Variants in ITGA11 observed in about 807,000 individuals in gnomAD.
ITGA11 encodes the protein integrin subunit alpha 11, also known as integrin alpha-11.
Under a neutral mutation model 141.9 loss-of-function variants are expected in ITGA11, and 97 were observed. The ratio of observed to expected loss-of-function variants is 0.68; its 90% confidence interval spans 0.58 to 0.81. ITGA11 has a LOEUF of 0.81. Ranked by LOEUF, ITGA11 falls within the 30% of genes least tolerant of loss-of-function variation. The probability of loss-of-function intolerance (pLI) is 0.00; values close to 1 mark genes in which losing one functional copy is unlikely to be tolerated. For synonymous variants in ITGA11, 658 were observed against 624.6 expected (o/e 1.05, Z -0.80); for missense variants, 1,387 against 1,559.2 (o/e 0.89, Z 1.86).
At chr15:68,392,113 T>C (rs1896135111) in intron 2 of ITGA11, among the ~76,000 whole-genome samples, 3 of 152,198 alleles carry the variant, frequency 2.0e-5, no homozygotes, top group East Asian at 1.9e-4. Context: ...ACTATTCAAT[T>C]TGATAAGTGC....
At chr15:68,402,189 CCCT>C in intron 2 of ITGA11, among the ~76,000 whole-genome samples, 1 of 145,150 alleles carries the variant, frequency 6.9e-6, no homozygotes, top group South Asian at 2.2e-4. Flanking sequence ...AGAGTCCTGG[CCCT>C]TTCCATCCCA....
chr15:68,423,849 C>T (rs1161529743), intron 1 of ITGA11, among the ~76,000 whole-genome samples: 3 of 152,194 alleles, frequency 2.0e-5, no homozygotes, highest in Middle Eastern at 3.4e-3. Flanking sequence ...CTGGGCTTGG[C>T]GTTGTCGGTG....
At chr15:68,359,001 T>C (rs1895159357) in intron 5 of ITGA11, among the ~76,000 whole-genome samples, 1 of 152,204 alleles carries the variant, frequency 6.6e-6, no homozygotes, top group Non-Finnish European at 1.5e-5. Flanking sequence ...TATGATGTCG[T>C]GGCTAGAAAT....
At chr15:68,355,455 CTTTTTTTT>C (rs937216797) in intron 7 of ITGA11, among the ~76,000 whole-genome samples, 2 of 146,560 alleles carry the variant, frequency 1.4e-5, no homozygotes, top group Non-Finnish European at 1.5e-5. Flanking sequence ...TTCTTTTTTT[CTTTTTTTT>C]TTGAGACAGG....
intron 26 of ITGA11, among the ~76,000 whole-genome samples, chr15:68,310,477 G>A (rs1009773979): frequency 2.0e-5 from 3 of 152,212 alleles, no homozygotes; most frequent in African/African-American, 4.8e-5. Flanking sequence ...TGGAGGCAGA[G>A]GCAACCCTGA....
At chr15:68,358,371 C>A in intron 6 of ITGA11, 87 bp downstream of exon 6, 1 of 1,425,644 alleles carries the variant, frequency 7.0e-7, no homozygotes, top group East Asian at 2.5e-5. Flanking sequence ...TTCGTGCATG[C>A]AAAGATCTCT....
At position 68,321,637 on chromosome 15, in the gene ITGA11, C is replaced by T. The variant is rs1893817600; in HGVS notation, c.2323-134G>A. 1 of 495,894 alleles carries T rather than the reference C, an allele frequency of 2.0e-6. No individual in the cohort carries two copies. Among genetic ancestry groups the T allele is most frequent in the African/African-American group, 2.0e-5 (1 of 49,158 alleles). 30.7% of individuals were successfully genotyped at this position (495,894 alleles called of 1,614,324 possible). A position where few individuals can be genotyped will look rare whatever the true frequency, so the allele number is the denominator to read the frequency against. ...TGCACTGTCCCCAGACACCACACTG[C>T]TCTGTCTTGTGCTTTTCCATAGATG... On this transcript the variant is annotated intron_variant, in intron 18 of 29. Coordinates refer to ENST00000315757, the MANE Select transcript of ITGA11 (RefSeq NM_001004439.2). The surrounding 1 kb of genome is among the most constrained non-coding windows in gnomAD (Gnocchi z 4.9).
chr15:68,315,297 A>G (rs1893534765), intron 22 of ITGA11, among the ~76,000 whole-genome samples: 1 of 152,168 alleles, frequency 6.6e-6, no homozygotes, highest in South Asian at 2.1e-4. Flanking sequence ...CCCTGCTTTG[A>G]TGATCTTAAG....
chr15:68,303,136 A>T lies in ITGA11; in HGVS notation c.3496-6T>A. 1 of 1,551,074 alleles carries T rather than the reference A, an allele frequency of 6.4e-7. No homozygotes were observed. Among genetic ancestry groups the T allele is most frequent in the Non-Finnish European group, 8.7e-7 (1 of 1,146,934 alleles). On this transcript the variant is annotated splice_polypyrimidine_tract_variant and splice_region_variant and intron_variant, in intron 29 of 29. Transcript: ENST00000315757. This position sits in a 1 kb window ranked among gnomAD's most constrained non-coding sequence, Gnocchi z 5.3. ...GCACTTCTAAAGAAGCCGAGCTGTG[A>T]GGAGGCAAAGGGAGACGTCTCAGAG...
At chr15:68,330,253 T>C (rs1240855087) in intron 15 of ITGA11, among the ~76,000 whole-genome samples, 1 of 152,230 alleles carries the variant, frequency 6.6e-6, no homozygotes, top group Non-Finnish European at 1.5e-5. Flanking sequence ...TGTGAAGTTA[T>C]ATATTTCTGT....
At position 68,311,292 on chromosome 15, in the gene ITGA11, C is replaced by T. The variant is rs574480376; in HGVS notation, c.3085G>A (p.Glu1029Lys). 19 of 1,560,768 alleles carry T rather than the reference C, an allele frequency of 1.2e-5. No individual in the cohort carries two copies. Among genetic ancestry groups the T allele is most frequent in the South Asian group, 1.2e-4 (10 of 84,844 alleles). ...LLKLRDFLTD[E>K]ANTSCNIWGN... ...CCGGCTCCCAAGGCCATCACCACCT[C>T]GTCCGTGAGGAAGTCCCTCAGCTTC... Residue 1029 changes from glutamate (E) to lysine (K), a missense_variant and splice_region_variant, in exon 25 of 30, where the codon GAG becomes AAG. Coordinates refer to ENST00000315757, the MANE Select transcript of ITGA11 (RefSeq NM_001004439.2).
intron 2 of ITGA11, among the ~76,000 whole-genome samples, chr15:68,377,355 T>A (rs1358693141): frequency 6.6e-6 from 1 of 152,144 alleles, no homozygotes; most frequent in Non-Finnish European, 1.5e-5. Context: ...CACTGCAACC[T>A]CCACCCCGCT....
At position 68,328,413 on chromosome 15, in the gene ITGA11, G is replaced by A. The variant is rs1042169682; in HGVS notation, c.1902-151C>T. The stretch of plus-strand genomic sequence containing the variant: ...GGATGGAGGGGGCGAGGTGGAGGAT[G>A]GAGGGGGCTTCGGATGTCAAAGGAC... On this transcript the variant is annotated intron_variant, in intron 15 of 29. Transcript: ENST00000315757. This position sits in a 1 kb window ranked among gnomAD's most constrained non-coding sequence, Gnocchi z 4.8. Among the ~76,000 whole-genome samples the A allele has an allele frequency of 2.6e-5, 4 of 151,674 alleles. No individual in the cohort carries two copies. The highest frequency in any genetic ancestry group is 7.3e-5 in the African/African-American group (3 of 41,346).
chr15:68,322,627 G>A lies in ITGA11; in HGVS notation c.2323-1124C>T, dbSNP rs1259460043. ...CACACCTGTAATCCTAGCACTCTGGGAGGCTGAGACAGGTGGATCAACTGA... is the reference window on the plus strand; with the variant it reads ...CACACCTGTAATCCTAGCACTCTGGAAGGCTGAGACAGGTGGATCAACTGA... On this transcript the variant is annotated intron_variant, in intron 18 of 29. Coordinates refer to ENST00000315757, the MANE Select transcript of ITGA11 (RefSeq NM_001004439.2). This position sits in a 1 kb window ranked among gnomAD's most constrained non-coding sequence, Gnocchi z 5.6. Among the ~76,000 whole-genome samples the A allele has an allele frequency of 4.6e-5, 7 of 152,188 alleles. No homozygotes were observed. Among genetic ancestry groups the A allele is most frequent in the African/African-American group, 1.7e-4 (7 of 41,508 alleles).
chr15:68,429,373 A>T (rs1284999711), intron 1 of ITGA11, among the ~76,000 whole-genome samples: 1 of 152,232 alleles, frequency 6.6e-6, no homozygotes, highest in Non-Finnish European at 1.5e-5. Context: ...CTCAGCAAAG[A>T]TTATGCTTCT....
At chr15:68,320,741 C>G (rs538709021) in intron 19 of ITGA11, among the ~76,000 whole-genome samples, 17 of 152,296 alleles carry the variant, frequency 1.1e-4, no homozygotes, top group African/African-American at 3.4e-4. Flanking sequence ...TAGAGATAAT[C>G]CTTATTTTAG....
intron 1 of ITGA11, among the ~76,000 whole-genome samples, chr15:68,422,253 C>T (rs1897035969): frequency 6.6e-6 from 1 of 152,138 alleles, no homozygotes; most frequent in South Asian, 2.1e-4. Flanking sequence ...CTGAGGGCCA[C>T]CTCCACCTGC....
chr15:68,335,880 C>T lies in ITGA11; in HGVS notation c.1277-35G>A, dbSNP rs543395674. On this transcript the variant is annotated intron_variant, in intron 11 of 29. Coordinates refer to ENST00000315757, the MANE Select transcript of ITGA11 (RefSeq NM_001004439.2). This position sits in a 1 kb window ranked among gnomAD's most constrained non-coding sequence, Gnocchi z 4.9. The stretch of plus-strand genomic sequence containing the variant: ...GAGGAAACAGGCTGATCTTTGGCAC[C>T]GTGTCCTCAGCAGGCGTTGCTTGGC... The T allele has an allele frequency of 1.2e-5, 19 of 1,600,216 alleles. No homozygotes were observed. Among genetic ancestry groups the T allele is most frequent in the East Asian group, 2.3e-5 (1 of 44,238 alleles).
Position 68,322,867 on chromosome 15 carries a change from A to G in ITGA11, c.2323-1364T>C, listed in dbSNP as rs925306987. 3.3e-5 allele frequency among the ~76,000 whole-genome samples: 5 copies of G among 152,022 alleles called. No individual in the cohort carries two copies. Among genetic ancestry groups the G allele is most frequent in the Non-Finnish European group, 7.4e-5 (5 of 67,984 alleles). ...AGGGAGATACCATTTCAAAAAAAAA[A>G]AAAAAGAAAGTAGGGGTTAAGTGAG... On this transcript the variant is annotated intron_variant, in intron 18 of 29. Coordinates refer to ENST00000315757, the MANE Select transcript of ITGA11 (RefSeq NM_001004439.2). The surrounding 1 kb of genome is among the most constrained non-coding windows in gnomAD (Gnocchi z 5.6).
Sources: gnomAD v4.1 joint callset for allele counts (sites outside exome capture counted in the v4.1 genomes callset) on GRCh38, gnomAD v4.1.1 for gene constraint, Gnocchi (gnomAD v3.1) non-coding constraint, MANE v1.5 for transcripts, NCBI Gene and HGNC (gene_info 2026-07-23, HGNC 2026-07-21) for gene names.